CAMKK1: variants seen among roughly 807,000 people sequenced by gnomAD.
CAMKK1 encodes calcium/calmodulin-dependent protein kinase kinase 1.
CAMKK1 carries 20 observed loss-of-function variants against 63.5 expected under a neutral mutation model. The observed-to-expected ratio is 0.32, with a 90% CI of 0.22 to 0.46. The LOEUF (loss-of-function observed/expected upper bound fraction) is 0.46, where lower values mean the gene tolerates loss of function less well. CAMKK1 is among the 20% of genes least tolerant of loss of function. CAMKK1 has a pLI of 1.00. For synonymous variants in CAMKK1, 253 were observed against 269.0 expected, an observed-to-expected ratio of 0.94 and a Z score of 0.58; for missense variants, 588 against 658.1, an observed-to-expected ratio of 0.89 and a Z score of 1.17.
At chr17:3,865,097 T>C in intron 15 of CAMKK1, 4 of 982,002 alleles carry the variant, frequency 4.1e-6, no homozygotes, top group Non-Finnish European at 4.8e-6. Flanking sequence ...CACGCTGTGG[T>C]TCAGGACCCC....
intron 1 of CAMKK1, among the ~76,000 whole-genome samples, chr17:3,891,205 G>A (rs1188218404): frequency 6.6e-6 from 1 of 151,966 alleles, no homozygotes; most frequent in African/African-American, 2.4e-5. Context: ...GCCAGACTCT[G>A]TGCAAGCCTG....
At position 3,862,812 on chromosome 17, in the gene CAMKK1, A is replaced by C. The variant is rs762225750; in HGVS notation, c.1446-529T>G. On this transcript the variant is annotated intron_variant, in intron 15 of 15. Transcript: ENST00000348335. The surrounding 1 kb of genome is among the most constrained non-coding windows in gnomAD (Gnocchi z 4.1). ...GCCCAGCTAATTTTTGTATTTTTTT[A>C]TCTCTATAAAAACAGGGTTTCACCA... Among the ~76,000 whole-genome samples, 3 of 151,320 alleles carry C rather than the reference A, an allele frequency of 2.0e-5. No individual in the cohort carries two copies. The highest frequency in any genetic ancestry group is 4.4e-5 in the Non-Finnish European group (3 of 67,882).
Position 3,890,811 on chromosome 17 carries a change from A to G in CAMKK1, c.-44+2128T>C. On this transcript the variant is annotated intron_variant, in intron 1 of 15. Transcript: ENST00000348335. This position sits in a 1 kb window ranked among gnomAD's most constrained non-coding sequence, Gnocchi z 6.5. Reference sequence around the variant, plus strand: ...CTCCCTCTCCTCTGCTGCCTGGAGGACAGCTCAGACATCGCCTCTTCTGAG... The same window carrying G: ...CTCCCTCTCCTCTGCTGCCTGGAGGGCAGCTCAGACATCGCCTCTTCTGAG... 1.3e-6 allele frequency: 1 copy of G among 779,120 alleles called. No homozygotes were observed. Among genetic ancestry groups the G allele is most frequent in the Non-Finnish European group, 2.4e-6 (1 of 417,596 alleles). 48.3% of individuals were successfully genotyped at this position (779,120 alleles called of 1,614,324 possible).
intron 12 of CAMKK1, among the ~76,000 whole-genome samples, chr17:3,871,683 T>C (rs1424274982): frequency 6.9e-6 from 1 of 145,932 alleles, no homozygotes; most frequent in African/African-American, 2.6e-5. Context: ...TCTGTTTTTT[T>C]TTTTTGAGAC....
rs1597500938 is a variant in CAMKK1 at position 3,892,270 on chromosome 17, T to C, written c.-44+669A>G. ...CGCCCTCACACACCACTCCATCCTGTCCTGCACCCCCCACGCAGACACAGG... is the reference window on the plus strand; with the variant it reads ...CGCCCTCACACACCACTCCATCCTGCCCTGCACCCCCCACGCAGACACAGG... On this transcript the variant is annotated intron_variant, in intron 1 of 15. Coordinates refer to ENST00000348335, the MANE Select transcript of CAMKK1 (RefSeq NM_032294.3). This position sits in a 1 kb window ranked among gnomAD's most constrained non-coding sequence, Gnocchi z 7.5. Among the ~76,000 whole-genome samples, 9 of 151,890 alleles carry C rather than the reference T, an allele frequency of 5.9e-5. No individual in the cohort carries two copies. In the South Asian group the frequency reaches 1.9e-3, roughly 32 times the overall value.
rs1168951998 is a variant in CAMKK1, at chr17:3,887,511, A to C, written c.-43-1781T>G. Among the ~76,000 whole-genome samples, 2 of 150,174 alleles carry C rather than the reference A, an allele frequency of 1.3e-5. No homozygotes were observed. The highest frequency in any genetic ancestry group is 4.9e-5 in the African/African-American group (2 of 40,620). ...AGGTGAGGAGGCTGAGTGAGGCTAG[A>C]GTATCAGGGAGGCCTCCCTGGAAGA... On this transcript the variant is annotated intron_variant, in intron 1 of 15. Transcript: ENST00000348335. This position sits in a 1 kb window ranked among gnomAD's most constrained non-coding sequence, Gnocchi z 6.1.
rs188097925 is a variant in CAMKK1 at position 3,871,282 on chromosome 17, G to A, written c.1124+1272C>T. 5.3e-5 allele frequency among the ~76,000 whole-genome samples: 8 copies of A among 151,282 alleles called. No individual in the cohort carries two copies. The South Asian group carries it at 1.1e-3, about 20-fold the overall frequency. On this transcript the variant is annotated intron_variant, in intron 12 of 15. Transcript: ENST00000348335. The stretch of plus-strand genomic sequence containing the variant: ...AGGAAATAAGCAGAAGAGAGCAGGA[G>A]TCGCTGAGTACAAGTCCCGTTTCAT...
chr17:3,871,608 G>A (rs1248963628), intron 12 of CAMKK1, among the ~76,000 whole-genome samples: 24 of 149,020 alleles, frequency 1.6e-4, no homozygotes, highest in Non-Finnish European at 3.0e-4. Context: ...CGCCCTCCTT[G>A]GCCTCCCAAA....
At chr17:3,867,643 A>G (rs565653387) in intron 14 of CAMKK1, among the ~76,000 whole-genome samples, 1 of 152,006 alleles carries the variant, frequency 6.6e-6, no homozygotes, top group African/African-American at 2.4e-5. Context: ...GGTTCCAGCG[A>G]CCCCACAGAG....
Position 3,883,023 on chromosome 17 carries a change from G to A in CAMKK1, c.648+19C>T. On this transcript the variant is annotated intron_variant, in intron 6 of 15. Coordinates refer to ENST00000348335, the MANE Select transcript of CAMKK1 (RefSeq NM_032294.3). The surrounding 1 kb of genome is among the most constrained non-coding windows in gnomAD (Gnocchi z 4.7). ...GAGACTCAGGTGCTGGTTCCCACCTGCTCACCACCACCCCCTACCTCGATC... is the reference window on the plus strand; with the variant it reads ...GAGACTCAGGTGCTGGTTCCCACCTACTCACCACCACCCCCTACCTCGATC... 7 of 1,612,846 alleles carry A rather than the reference G, an allele frequency of 4.3e-6. No homozygotes were observed. The South Asian group carries it at 7.7e-5, about 18-fold the overall frequency.
intron 9 of CAMKK1, among the ~76,000 whole-genome samples, chr17:3,876,864 T>C (rs1270816276): frequency 2.0e-5 from 3 of 151,336 alleles, no homozygotes; most frequent in Non-Finnish European, 4.4e-5. Flanking sequence ...TTCAAGAGAT[T>C]CTCCTGCCTC....
chr17:3,871,333 GTTTTTTTTTTTTTGTTTTTTTTTTTTTT>G (rs1348635302), intron 12 of CAMKK1, among the ~76,000 whole-genome samples: 4 of 111,006 alleles, frequency 3.6e-5, no homozygotes, highest in Non-Finnish European at 5.6e-5. Flanking sequence ...GTTGTTTTTT[GTTTTTTTTTTTTTGTTTTTTTTTTTTTT>G]TTTTTTTTTT....
rs1180032343 is a variant in CAMKK1 at position 3,876,744 on chromosome 17, G to GT, written c.797-323dup. ...AAACTAGGGCAGGAGAGTTGTTGCT[G>GT]TTTTTTTTTTTGGTTTTTTTTTTTT... On this transcript the variant is annotated intron_variant, in intron 9 of 15. Coordinates refer to ENST00000348335, the MANE Select transcript of CAMKK1 (RefSeq NM_032294.3). 7.1e-3 allele frequency among the ~76,000 whole-genome samples: 901 copies of GT among 127,582 alleles called. 7 individuals are homozygous for GT. Among genetic ancestry groups the GT allele is most frequent in the South Asian group, 0.032 (129 of 3,984 alleles). 83.7% of individuals were successfully genotyped at this position (127,582 alleles called of 152,430 possible).
chr17:3,865,670 G>A (rs1597438199), intron 15 of CAMKK1: 1 of 1,387,142 alleles, frequency 7.2e-7, no homozygotes, highest in Non-Finnish European at 9.3e-7. Context: ...CTCATCCCTG[G>A]AAGTGTGTGT....
chr17:3,864,407 C>T (rs1361710373), intron 15 of CAMKK1, among the ~76,000 whole-genome samples: 2 of 152,086 alleles, frequency 1.3e-5, no homozygotes, highest in Non-Finnish European at 2.9e-5. Context: ...CCACCACGCC[C>T]AGCTGATTTT....
chr17:3,863,493 C>T (rs545830247), intron 15 of CAMKK1, among the ~76,000 whole-genome samples: 1 of 152,028 alleles, frequency 6.6e-6, no homozygotes, highest in Non-Finnish European at 1.5e-5. Flanking sequence ...AGTGAAACTC[C>T]ATCTCAAAAC....
intron 15 of CAMKK1, among the ~76,000 whole-genome samples, chr17:3,863,917 G>A (rs574886113): frequency 3.9e-5 from 6 of 152,062 alleles, no homozygotes; most frequent in African/African-American, 9.6e-5. Context: ...CCAGGTGTCC[G>A]TCCACCTGCT....
intron 1 of CAMKK1, among the ~76,000 whole-genome samples, chr17:3,886,831 C>T (rs896882335): frequency 1.3e-5 from 2 of 152,144 alleles, no homozygotes; most frequent in African/African-American, 2.4e-5. Flanking sequence ...AGACCCCCAT[C>T]TCTGTCCCAG....
rs985880168 is a variant in CAMKK1, at chr17:3,862,443, G to A, written c.1446-160C>T. On this transcript the variant is annotated intron_variant, in intron 15 of 15. Transcript: ENST00000348335. This position sits in a 1 kb window ranked among gnomAD's most constrained non-coding sequence, Gnocchi z 4.1. The stretch of plus-strand genomic sequence containing the variant: ...CCTCCCTCTGGCCTCCCTACATCAC[G>A]GCAGTTGCTCCTTGCCGGTCTCTCA... 2.0e-5 allele frequency among the ~76,000 whole-genome samples: 3 copies of A among 152,028 alleles called. No individual in the cohort carries two copies. Among genetic ancestry groups the A allele is most frequent in the African/African-American group, 4.8e-5 (2 of 41,376 alleles).
Sources: gnomAD v4.1 joint callset for allele counts (sites outside exome capture counted in the v4.1 genomes callset) on GRCh38, gnomAD v4.1.1 for gene constraint, Gnocchi (gnomAD v3.1) non-coding constraint, MANE v1.5 for transcripts, NCBI Gene and HGNC (gene_info 2026-07-23, HGNC 2026-07-21) for gene names.